The following CTSC variants were observed in gnomAD, a reference collection of about 807,000 sequenced individuals.
CTSC encodes dipeptidyl peptidase 1.
CTSC carries 37 observed loss-of-function variants against 40.9 expected under a neutral mutation model. The ratio of observed to expected loss-of-function variants is 0.91; its 90% confidence interval spans 0.70 to 1.19. The LOEUF is 1.19. CTSC is among the 50% of genes most tolerant of loss of function. The pLI is 0.00. For synonymous variants in CTSC, 232 were observed against 207.4 expected (o/e 1.12, Z -1.02); for missense variants, 594 against 567.3 (o/e 1.05, Z -0.48).
intron 2 of CTSC, among the ~76,000 whole-genome samples, chr11:88,319,675 GTATT>G (rs1357158360): frequency 2.0e-5 from 3 of 151,956 alleles, no homozygotes; most frequent in Non-Finnish European, 4.4e-5. Context: ...CATTAATAAA[GTATT>G]TAATCGCTTA....
intron 4 of CTSC, 49 bp from the exon 5 acceptor site, chr11:88,300,694 G>A: frequency 8.5e-7 from 1 of 1,173,236 alleles, no homozygotes; most frequent in Non-Finnish European, 1.3e-6. Flanking sequence ...TTTCCTTTGA[G>A]GATGATTTCC....
intron 2 of CTSC, chr11:88,320,878 A>G (rs181484023): frequency 2.4e-6 from 2 of 843,510 alleles, no homozygotes; most frequent in African/African-American, 3.7e-5. Flanking sequence ...TATATCGTGT[A>G]ATACATAGGG....
At chr11:88,311,753 C>T (rs961577468) in intron 3 of CTSC, among the ~76,000 whole-genome samples, 3 of 152,030 alleles carry the variant, frequency 2.0e-5, no homozygotes, top group African/African-American at 7.3e-5. Context: ...TGACTGATGC[C>T]CTTATAAGAA....
At chr11:88,303,788 G>T (rs1291493049) in intron 4 of CTSC, among the ~76,000 whole-genome samples, 1 of 152,188 alleles carries the variant, frequency 6.6e-6, no homozygotes, top group East Asian at 1.9e-4. Flanking sequence ...TCTCTGTTCA[G>T]TGTTCCTTCC....
chr11:88,335,076 T>C lies in CTSC; in HGVS notation c.179A>G (p.Gln60Arg). ...RDVNCSVMGP[Q>R]EKKVVVYLQK... The stretch of plus-strand genomic sequence containing the variant: ...AAGGTACACCACTACTTTTTTTTCT[T>C]GTGGTCCTAAAGAAAAAAAAAAAAA... Residue 60 changes from glutamine to arginine, a missense_variant, in exon 2 of 7, where the codon CAA becomes CGA. By Grantham distance (43) the Gln-to-Arg change is conservative. Coordinates refer to ENST00000227266, the MANE Select transcript of CTSC (RefSeq NM_001814.6). 1.2e-6 allele frequency: 2 copies of C among 1,604,576 alleles called. No individual in the cohort carries two copies. The highest frequency in any genetic ancestry group is 1.7e-6 in the Non-Finnish European group (2 of 1,173,070).
chr11:88,334,235 A>G (rs188123847), intron 2 of CTSC, among the ~76,000 whole-genome samples: 1 of 152,340 alleles, frequency 6.6e-6, no homozygotes, highest in East Asian at 1.9e-4. Flanking sequence ...TTTAGCTTAC[A>G]AGAAAAGTTC....
chr11:88,308,574 CT>C (rs1040182861), intron 4 of CTSC, among the ~76,000 whole-genome samples: 2 of 151,864 alleles, frequency 1.3e-5, no homozygotes, highest in African/African-American at 4.8e-5. Context: ...AGCAACCCCA[CT>C]CCTATGGCCC....
intron 4 of CTSC, 66 bp downstream of exon 4, chr11:88,309,097 G>T: frequency 7.0e-7 from 1 of 1,438,676 alleles, no homozygotes; most frequent in Admixed American, 1.8e-5. Flanking sequence ...TGGTAGGACT[G>T]CTTAGGAGGG....
At chr11:88,326,409 T>C in intron 2 of CTSC, 1 of 1,613,890 alleles carries the variant, frequency 6.2e-7, no homozygotes, top group Admixed American at 1.7e-5. Flanking sequence ...GCTGTGGTTT[T>C]AAAAGAGTCC....
chr11:88,296,353 A>G (rs2134766093), intron 5 of CTSC, 89 bp from the exon 6 acceptor site: 1 of 1,480,396 alleles, frequency 6.8e-7, no homozygotes, highest in South Asian at 1.2e-5. Context: ...ACATACATTA[A>G]TGTTTATACT....
intron 2 of CTSC, chr11:88,323,165 A>C (rs971928950): frequency 6.6e-6 from 1 of 152,380 alleles, no homozygotes; most frequent in South Asian, 2.1e-4. Context: ...ACTAAAGACA[A>C]AAACCACATG....
At chr11:88,300,504 C>CA (rs1443528055) in intron 5 of CTSC, 26 bp downstream of exon 5, 3 of 1,413,978 alleles carry the variant, frequency 2.1e-6, no homozygotes, top group African/African-American at 1.4e-5. Flanking sequence ...AACAAATTAA[C>CA]AAAAAACTTA....
At chr11:88,301,808 GCGCACA>G (rs1414786397) in intron 4 of CTSC, among the ~76,000 whole-genome samples, 5 of 119,360 alleles carry the variant, frequency 4.2e-5, no homozygotes, top group Admixed American at 9.1e-5. Flanking sequence ...AAACACACGC[GCGCACA>G]CACACACACA....
intron 1 of CTSC, among the ~76,000 whole-genome samples, chr11:88,337,185 G>A (rs1325184699): frequency 1.3e-5 from 2 of 152,168 alleles, no homozygotes; most frequent in African/African-American, 4.8e-5. Flanking sequence ...GATCGGACTG[G>A]AGAACCAAAC....
intron 2 of CTSC, chr11:88,321,166 G>A: frequency 2.5e-6 from 1 of 407,856 alleles, no homozygotes; most frequent in Non-Finnish European, 3.3e-6. Flanking sequence ...TAAGTTCCAG[G>A]GTACATGTGT....
At chr11:88,335,269 G>C (rs1043389649) in intron 1 of CTSC, among the ~76,000 whole-genome samples, 187 bp from the exon 2 acceptor site, 1 of 152,014 alleles carries the variant, frequency 6.6e-6, no homozygotes, top group South Asian at 2.1e-4. Context: ...TCCGAGGCAA[G>C]ACTGTGAAGT....
At chr11:88,319,412 A>T (rs1403648870) in intron 2 of CTSC, among the ~76,000 whole-genome samples, 1 of 152,094 alleles carries the variant, frequency 6.6e-6, no homozygotes, top group Non-Finnish European at 1.5e-5. Context: ...AATTATTCTA[A>T]ATCCTTCTAA....
At chr11:88,312,601 A>G in intron 2 of CTSC, 47 bp from the exon 3 acceptor site, 1 of 1,608,198 alleles carries the variant, frequency 6.2e-7, no homozygotes, top group Non-Finnish European at 8.5e-7. Context: ...TCTGTCTTCA[A>G]ATTTCAGGTC....
chr11:88,307,050 G>C (rs1319657437), intron 4 of CTSC, among the ~76,000 whole-genome samples: 3 of 152,184 alleles, frequency 2.0e-5, no homozygotes, highest in Non-Finnish European at 4.4e-5. Flanking sequence ...GCCTGCGAGG[G>C]AGATAAGGGA....
Sources: gnomAD v4.1 joint callset for allele counts (sites outside exome capture counted in the v4.1 genomes callset) on GRCh38, gnomAD v4.1.1 for gene constraint, MANE v1.5 for transcripts, NCBI Gene and HGNC (gene_info 2026-07-23, HGNC 2026-07-21) for gene names.